Variants in CDH18 observed in about 807,000 individuals in gnomAD.
CDH18 encodes cadherin 18, also known as cadherin-18.
CDH18 carries 31 observed loss-of-function variants against 67.9 expected under a neutral mutation model. The observed-to-expected ratio is 0.46, with a 90% CI of 0.34 to 0.62. The LOEUF (loss-of-function observed/expected upper bound fraction) is 0.62, where lower values mean the gene tolerates loss of function less well. CDH18 is among the 20% of genes least tolerant of loss of function. CDH18 has a pLI of 0.01. For missense variants in CDH18, 890 were observed against 975.5 expected (o/e 0.91, Z 1.17); for synonymous variants, 362 against 347.2 (o/e 1.04, Z -0.48).
At position 20,384,457 on chromosome 5, in the gene CDH18, T is replaced by C. The variant is rs563663301; in HGVS notation, c.-579-128952A>G. On this transcript the variant is annotated intron_variant, in intron 1 of 14. Transcript: ENST00000507958. ...GCTAAATTGTATTCTGTTGGGCATA[T>C]ATACCACATTTTCTTTATCCACTCA... Among the ~76,000 whole-genome samples the C allele has an allele frequency of 1.1e-4, 16 of 152,346 alleles. No homozygotes were observed. The South Asian group carries it at 3.3e-3, about 32-fold the overall frequency.
chr5:20,402,774 T>G (rs1342316913), intron 1 of CDH18, among the ~76,000 whole-genome samples: 1 of 152,106 alleles, frequency 6.6e-6, no homozygotes, highest in East Asian at 1.9e-4. Flanking sequence ...GGGGTGGCTG[T>G]GCAGTTTCTT....
chr5:19,752,916 C>T (rs961135357), intron 3 of CDH18, among the ~76,000 whole-genome samples: 13 of 152,064 alleles, frequency 8.5e-5, no homozygotes, highest in African/African-American at 1.9e-4. Flanking sequence ...GGTGGCTAGA[C>T]CCAGAAGAGA....
chr5:19,654,525 C>G (rs147992708), intron 5 of CDH18, among the ~76,000 whole-genome samples: 1 of 152,100 alleles, frequency 6.6e-6, no homozygotes. Flanking sequence ...CGCAGACAGG[C>G]GGGTTTAAGA....
chr5:20,035,079 T>A (rs1318190898), intron 2 of CDH18, among the ~76,000 whole-genome samples: 1 of 152,042 alleles, frequency 6.6e-6, no homozygotes, highest in African/African-American at 2.4e-5. Context: ...TAGGTGAGCA[T>A]GGAGGAAGAG....
At chr5:19,967,421 A>G (rs943295106) in intron 2 of CDH18, among the ~76,000 whole-genome samples, 1 of 152,072 alleles carries the variant, frequency 6.6e-6, no homozygotes, top group African/African-American at 2.4e-5. Flanking sequence ...TGTGTGCTTG[A>G]CACTGTGTTC....
intron 2 of CDH18, chr5:19,877,931 A>G (rs1041471796): frequency 3.9e-5 from 6 of 152,082 alleles, no homozygotes; most frequent in African/African-American, 1.4e-4. Flanking sequence ...ATAATATCTG[A>G]CATATATTAG....
intron 2 of CDH18, among the ~76,000 whole-genome samples, chr5:20,190,801 A>G (rs1738476933): frequency 6.6e-6 from 1 of 152,134 alleles, no homozygotes; most frequent in Non-Finnish European, 1.5e-5. Flanking sequence ...GCTAAATCTG[A>G]TACATTTCCT....
intron 10 of CDH18, among the ~76,000 whole-genome samples, chr5:19,513,911 T>C (rs34956614): frequency 0.29 from 44,567 of 152,006 alleles, 6,652 homozygotes; most frequent in South Asian, 0.4. Flanking sequence ...GTTTGTTACA[T>C]ATGTATACCT....
intron 1 of CDH18, among the ~76,000 whole-genome samples, chr5:20,285,969 A>G (rs1169194946): frequency 6.6e-6 from 1 of 151,652 alleles, no homozygotes; most frequent in African/African-American, 2.4e-5. Flanking sequence ...TGATACTATC[A>G]GTGTTTTACT....
intron 7 of CDH18, among the ~76,000 whole-genome samples, chr5:19,583,496 A>G (rs1233642173): frequency 1.3e-5 from 2 of 152,166 alleles, no homozygotes; most frequent in African/African-American, 2.4e-5. Flanking sequence ...TAATATACAC[A>G]CGGTATTTCA....
chr5:19,873,781 G>T (rs1267983737), intron 2 of CDH18, among the ~76,000 whole-genome samples: 1 of 152,008 alleles, frequency 6.6e-6, no homozygotes, highest in Non-Finnish European at 1.5e-5. Context: ...CCGAGTAGCT[G>T]GGACTACAGG....
chr5:20,405,665 AG>A (rs552737509), intron 1 of CDH18, among the ~76,000 whole-genome samples: 1,608 of 152,288 alleles, frequency 0.011, 30 homozygotes, highest in African/African-American at 0.037. Context: ...ACAGAATGGG[AG>A]AAAATTTTTG....
At chr5:20,559,126 CA>C (rs1419784980) in intron 1 of CDH18, among the ~76,000 whole-genome samples, 1 of 150,628 alleles carries the variant, frequency 6.6e-6, no homozygotes, top group Non-Finnish European at 1.5e-5. Flanking sequence ...TATTTTAGCA[CA>C]AAAATATTTG....
intron 9 of CDH18, among the ~76,000 whole-genome samples, chr5:19,525,405 A>G (rs1747601425): frequency 2.0e-5 from 3 of 151,258 alleles, no homozygotes; most frequent in Admixed American, 2.0e-4. Context: ...GATCAGGGTA[A>G]TATCAGTTTC....
intron 5 of CDH18, among the ~76,000 whole-genome samples, chr5:19,615,388 T>C (rs576460350): frequency 1.1e-4 from 16 of 152,142 alleles, no homozygotes; most frequent in Non-Finnish European, 2.2e-4. Flanking sequence ...AAATAGACTA[T>C]ATTTAGAGCA....
chr5:20,468,590 A>G (rs952500088), intron 1 of CDH18, among the ~76,000 whole-genome samples: 1 of 152,150 alleles, frequency 6.6e-6, no homozygotes, highest in African/African-American at 2.4e-5. Context: ...TACATTTCCC[A>G]ATATTAACTG....
intron 5 of CDH18, among the ~76,000 whole-genome samples, chr5:19,617,837 A>G (rs1447567124): frequency 6.6e-6 from 1 of 152,220 alleles, no homozygotes; most frequent in Admixed American, 6.5e-5. Context: ...TCTCTGCTGT[A>G]CACAAGTTCA....
intron 1 of CDH18, among the ~76,000 whole-genome samples, chr5:20,553,720 G>A (rs868382744): frequency 6.6e-6 from 1 of 152,062 alleles, no homozygotes; most frequent in Admixed American, 6.6e-5. Flanking sequence ...CCTTTAAGTT[G>A]CACATATCAT....
At chr5:19,597,702 A>ACTATTAT (rs2150052614) in intron 6 of CDH18, among the ~76,000 whole-genome samples, 1 of 152,324 alleles carries the variant, frequency 6.6e-6, no homozygotes, top group South Asian at 2.1e-4. Flanking sequence ...TTGATAAAGT[A>ACTATTAT]ACATACTATT....
Sources: gnomAD v4.1 joint callset for allele counts (sites outside exome capture counted in the v4.1 genomes callset) on GRCh38, gnomAD v4.1.1 for gene constraint, MANE v1.5 for transcripts, NCBI Gene and HGNC (gene_info 2026-07-23, HGNC 2026-07-21) for gene names.